MICAL2: variants seen among roughly 807,000 people sequenced by gnomAD.
The protein encoded by MICAL2 is [F-actin]-monooxygenase MICAL2.
Under a neutral mutation model 127.3 loss-of-function variants are expected in MICAL2, and 77 were observed. The observed-to-expected ratio is 0.60, with a 90% CI of 0.50 to 0.73. MICAL2 has a LOEUF of 0.73. Among genes scored for constraint, MICAL2 ranks in the 30% least tolerant of loss-of-function variants. MICAL2 has a pLI of 0.00. For missense variants in MICAL2, 1,351 were observed against 1,434.4 expected (o/e 0.94, Z 0.94); for synonymous variants, 570 against 551.1 (o/e 1.03, Z -0.48).
intron 3 of MICAL2, among the ~76,000 whole-genome samples, chr11:12,192,090 A>ATGG (rs1338892534): frequency 7.2e-6 from 1 of 138,908 alleles, no homozygotes; most frequent in African/African-American, 2.6e-5. Flanking sequence ...GCAAGGGGTT[A>ATGG]TGGGGAGGGA....
chr11:12,198,700 G>C (rs1860264911), intron 3 of MICAL2, among the ~76,000 whole-genome samples: 1 of 152,182 alleles, frequency 6.6e-6, no homozygotes, highest in Non-Finnish European at 1.5e-5. Flanking sequence ...CTACCAGGAA[G>C]ACAGCACCAT....
intron 8 of MICAL2, among the ~76,000 whole-genome samples, chr11:12,219,373 A>T (rs549354604): frequency 8.2e-4 from 124 of 151,832 alleles, no homozygotes; most frequent in African/African-American, 2.8e-3. Flanking sequence ...AGGGCTCTGC[A>T]CTCCCCATGA....
At position 12,184,896 on chromosome 11, in the gene MICAL2, A is replaced by C. The variant is rs537911511; in HGVS notation, c.265-19354A>C. ...TCTAGTTAGCCAGGCCTCCTGAATCATCTGCCTTGTAAGTTTGCATAGCAG... is the reference window on the plus strand; with the variant it reads ...TCTAGTTAGCCAGGCCTCCTGAATCCTCTGCCTTGTAAGTTTGCATAGCAG... On this transcript the variant is annotated intron_variant, in intron 3 of 27. Coordinates refer to ENST00000683283, the MANE Select transcript of MICAL2 (RefSeq NM_001282663.2). 1.7e-4 allele frequency among the ~76,000 whole-genome samples: 26 copies of C among 151,494 alleles called. No individual in the cohort carries two copies. In the South Asian group the frequency reaches 5.5e-3, roughly 32 times the overall value.
rs1212762473 is a variant in MICAL2, at chr11:12,213,403, A to T, written c.840A>T (p.Glu280Asp). ...FNQKFFQDLK[E>D]ETGIDLENIV... ...AGAAATTTTTTCAGGACCTTAAAGA[A>T]GAAACAGGTGGGACCTTCACCTTTC... Residue 280 changes from glutamate (E) to aspartate (D), a missense_variant, in exon 7 of 28, where the codon GAA (glutamate) becomes GAT (aspartate). Physicochemically the swap from Glu to Asp is conservative, Grantham distance 45. Coordinates refer to ENST00000683283, the MANE Select transcript of MICAL2 (RefSeq NM_001282663.2). 1 of 1,613,566 alleles carries T rather than the reference A, an allele frequency of 6.2e-7. No individual in the cohort carries two copies.
At chr11:12,167,734 C>T (rs1044096867) in intron 3 of MICAL2, among the ~76,000 whole-genome samples, 2 of 152,050 alleles carry the variant, frequency 1.3e-5, no homozygotes, top group Non-Finnish European at 2.9e-5. Flanking sequence ...GACTGCCGGC[C>T]CTGCAACATT....
chr11:12,251,234 AGTG>A (rs368451647), intron 22 of MICAL2, among the ~76,000 whole-genome samples: 124,364 of 151,794 alleles, frequency 0.82, 51,178 homozygotes, highest in East Asian at 0.93. Flanking sequence ...TTTGAGGAGC[AGTG>A]AGCTAAGCCA....
chr11:12,259,907 C>T lies in MICAL2; in HGVS notation c.3334+10C>T. On this transcript the variant is annotated intron_variant, in intron 26 of 27. Coordinates refer to ENST00000683283, the MANE Select transcript of MICAL2 (RefSeq NM_001282663.2). ...GAAGGCAGCCCCCCAGGTATCTCCA[C>T]CTCCTTCTTTAGGAAGGTGCTGGGC... 1 of 1,613,170 alleles carries T rather than the reference C, an allele frequency of 6.2e-7. No individual in the cohort carries two copies. Among genetic ancestry groups the T allele is most frequent in the Non-Finnish European group, 8.5e-7 (1 of 1,179,504 alleles).
Position 12,162,329 on chromosome 11 carries a change from C to G in MICAL2, c.174C>G (p.Thr58=). The G allele has an allele frequency of 1.2e-6, 2 of 1,614,216 alleles. No individual in the cohort carries two copies. The highest frequency in any genetic ancestry group is 2.7e-5 in the African/African-American group (2 of 75,044). Residue 58 remains threonine, a synonymous_variant, in exon 3 of 28, where the codon ACC becomes ACG. Coordinates refer to ENST00000683283, the MANE Select transcript of MICAL2 (RefSeq NM_001282663.2). The part of the protein sequence containing the change: ...NFYSKLKSKV[T]TWKAKALWYK... ...ATTCCAAGCTCAAGTCCAAGGTGAC[C>G]ACCTGGAAAGCCAAAGCCCTGTGGT... is the stretch of plus-strand genomic sequence containing the variant.
chr11:12,247,633 G>A (rs551195674), intron 21 of MICAL2, among the ~76,000 whole-genome samples: 1 of 152,332 alleles, frequency 6.6e-6, no homozygotes, highest in South Asian at 2.1e-4. Flanking sequence ...GATATTGCCA[G>A]CCTCACCCAT....
chr11:12,143,139 G>A (rs897064512), intron 2 of MICAL2, among the ~76,000 whole-genome samples: 4 of 152,212 alleles, frequency 2.6e-5, no homozygotes, highest in Admixed American at 2.6e-4. Flanking sequence ...CATTACCAAG[G>A]AGGGGCTGTG....
At chr11:12,166,695 G>A (rs964870273) in intron 3 of MICAL2, among the ~76,000 whole-genome samples, 2 of 152,194 alleles carry the variant, frequency 1.3e-5, no homozygotes, top group African/African-American at 4.8e-5. Flanking sequence ...TAAGTGATCA[G>A]TAAACATTTA....
chr11:12,137,236 A>T (rs1207441796), intron 1 of MICAL2, among the ~76,000 whole-genome samples: 1 of 152,166 alleles, frequency 6.6e-6, no homozygotes, highest in Non-Finnish European at 1.5e-5. Context: ...GCTTCTGCCC[A>T]GGTGGCCGCC....
intron 29 of MICAL2, among the ~76,000 whole-genome samples, chr11:12,300,791 C>A (rs932692233): frequency 3.9e-5 from 6 of 152,156 alleles, no homozygotes; most frequent in South Asian, 2.1e-4. Flanking sequence ...TTGAGCCATG[C>A]CTGGACTTCC....
chr11:12,214,725 C>T (rs1469863739), intron 7 of MICAL2, among the ~76,000 whole-genome samples: 1 of 152,264 alleles, frequency 6.6e-6, no homozygotes, highest in East Asian at 1.9e-4. Flanking sequence ...CCAGCCATGT[C>T]CATTTCTTTA....
chr11:12,155,379 A>G (rs1056588401), intron 2 of MICAL2, among the ~76,000 whole-genome samples: 1 of 152,252 alleles, frequency 6.6e-6, no homozygotes, highest in African/African-American at 2.4e-5. Flanking sequence ...GTATTTGCGC[A>G]CACATGAATA....
intron 10 of MICAL2, 55 bp from the exon 11 acceptor site, chr11:12,222,562 C>A (rs1181919850): frequency 3.7e-6 from 6 of 1,610,786 alleles, no homozygotes; most frequent in Non-Finnish European, 4.2e-6. Context: ...AGGGTGGGGA[C>A]AAGGCCTGAG....
chr11:12,114,529 C>G (rs1285794450), intron 1 of MICAL2, among the ~76,000 whole-genome samples: 8 of 152,210 alleles, frequency 5.3e-5, no homozygotes, highest in Admixed American at 2.6e-4. Context: ...AACTGCCCAT[C>G]TCCCCTACTA....
At chr11:12,254,742 T>A (rs1565260686) in intron 22 of MICAL2, 1 of 152,120 alleles carries the variant, frequency 6.6e-6, no homozygotes, top group African/African-American at 2.4e-5. Context: ...TTCATGTACA[T>A]ATCTGTGCAA....
intron 17 of MICAL2, 90 bp downstream of exon 17, chr11:12,239,675 G>C: frequency 6.8e-7 from 1 of 1,474,572 alleles, no homozygotes; most frequent in East Asian, 2.3e-5. Flanking sequence ...AGATATGCCA[G>C]CCAGGCCTGG....
Sources: allele counts gnomAD v4.1 joint callset (sites outside exome capture counted in the v4.1 genomes callset), GRCh38; gene constraint gnomAD v4.1.1; transcripts MANE v1.5; gene names NCBI Gene and HGNC (gene_info 2026-07-23, HGNC 2026-07-21).